OTUD7B: variants seen among roughly 807,000 people sequenced by gnomAD.
The protein encoded by OTUD7B is OTU deubiquitinase 7B, also known as OTU domain-containing protein 7B.
OTUD7B carries 34 observed loss-of-function variants against 82.2 expected under a neutral mutation model. The ratio of observed to expected loss-of-function variants is 0.41; its 90% CI spans 0.31 to 0.55. OTUD7B has a LOEUF of 0.55. OTUD7B is among the 20% of genes least tolerant of loss of function. The pLI, the probability that OTUD7B is intolerant of heterozygous loss-of-function variation, is 0.20. For missense variants in OTUD7B, 944 were observed against 1,062.1 expected (o/e 0.89, Z 1.55); for synonymous variants, 398 against 402.7 (o/e 0.99, Z 0.14).
At position 149,970,989 on chromosome 1, in the gene OTUD7B, A is replaced by G. The variant is rs1649883485; in HGVS notation, c.274+74T>C. ...ATGGAATCACCTCCAATGGATCACTAGACTTTATGACTCCATTTAACAATC... is the reference window on the plus strand; with the variant it reads ...ATGGAATCACCTCCAATGGATCACTGGACTTTATGACTCCATTTAACAATC... On this transcript the variant is annotated intron_variant, in intron 3 of 11. Coordinates refer to ENST00000581312, the MANE Select transcript of OTUD7B (RefSeq NM_020205.4). The G allele has an allele frequency of 3.8e-6, 5 of 1,325,372 alleles. No homozygotes were observed. In the East Asian group the frequency reaches 9.6e-5, roughly 25 times the overall value. 82.1% of individuals were successfully genotyped at this position (1,325,372 alleles called of 1,614,324 possible).
chr1:150,035,351 G>T, the OTUD7B span, among the ~76,000 whole-genome samples: 1 of 152,168 alleles, frequency 6.6e-6, no homozygotes. Context: ...CATAACAGCA[G>T]GGGAGAAAAA....
chr1:149,998,368 T>C (rs1479937390), intron 1 of OTUD7B, among the ~76,000 whole-genome samples: 3 of 152,216 alleles, frequency 2.0e-5, no homozygotes, highest in Admixed American at 6.5e-5. Context: ...ACCAAATTCC[T>C]TTGGCTGAGA....
chr1:150,051,137 G>A, the OTUD7B span, among the ~76,000 whole-genome samples: 3 of 148,760 alleles, frequency 2.0e-5, no homozygotes, highest in African/African-American at 7.4e-5. Context: ...GCTGAGGCAG[G>A]AGAATCGCTT....
intron 1 of OTUD7B, among the ~76,000 whole-genome samples, chr1:149,979,646 C>CTCAAATTCAAAATG (rs368390328): frequency 6.6e-6 from 1 of 151,960 alleles, no homozygotes; most frequent in African/African-American, 2.4e-5. Context: ...TCTAAGATAC[C>CTCAAATTCAAAATG]TCAAATTCAA....
chr1:149,977,602 C>T, intron 1 of OTUD7B, 26 bp from the exon 2 acceptor site: 3 of 871,900 alleles, frequency 3.4e-6, no homozygotes, highest in South Asian at 2.7e-5. Context: ...ATACATAAGG[C>T]TCAAATTACA....
the OTUD7B span, among the ~76,000 whole-genome samples, chr1:150,050,290 A>C: frequency 1.2e-4 from 19 of 152,338 alleles, no homozygotes; most frequent in Admixed American, 1.2e-3. Context: ...AGTAAAAATA[A>C]ATAAAAGAAA....
At chr1:149,952,304 G>GT (rs587717275) in intron 7 of OTUD7B, among the ~76,000 whole-genome samples, 2,670 of 151,064 alleles carry the variant, frequency 0.018, 64 homozygotes, top group African/African-American at 0.059. Context: ...GTGGTGTTTG[G>GT]TTTTTTGTCC....
At chr1:149,988,963 T>A (rs1363002065) in intron 1 of OTUD7B, among the ~76,000 whole-genome samples, 1 of 152,230 alleles carries the variant, frequency 6.6e-6, no homozygotes, top group East Asian at 1.9e-4. Context: ...CTCAAACATT[T>A]ATTCAGTAGC....
the OTUD7B span, among the ~76,000 whole-genome samples, chr1:150,033,343 C>G: frequency 1.3e-5 from 2 of 152,140 alleles, no homozygotes; most frequent in Admixed American, 1.3e-4. Flanking sequence ...TTAAATATGG[C>G]CTTTTGAGGA....
At chr1:149,950,741 T>C (rs1648128211) in intron 7 of OTUD7B, among the ~76,000 whole-genome samples, 4 of 151,836 alleles carry the variant, frequency 2.6e-5, no homozygotes. Flanking sequence ...ATCTCTCACC[T>C]TCCAGTAGTC....
chr1:149,979,706 T>C (rs1650581800), intron 1 of OTUD7B, among the ~76,000 whole-genome samples: 1 of 152,142 alleles, frequency 6.6e-6, no homozygotes. Flanking sequence ...AAATTCAAAA[T>C]GTCAAGTCCC....
At chr1:149,968,584 G>C (rs1035898956) in intron 3 of OTUD7B, among the ~76,000 whole-genome samples, 1 of 152,106 alleles carries the variant, frequency 6.6e-6, no homozygotes, top group Non-Finnish European at 1.5e-5. Flanking sequence ...TGATCCAAAG[G>C]GGGCAAAATT....
intron 7 of OTUD7B, among the ~76,000 whole-genome samples, chr1:149,957,700 G>A (rs1019935636): frequency 7.2e-5 from 11 of 152,286 alleles, no homozygotes; most frequent in Admixed American, 2.0e-4. Flanking sequence ...CGAGCTTCCC[G>A]GCCGCTTTGT....
intron 1 of OTUD7B, among the ~76,000 whole-genome samples, chr1:149,994,584 C>CAA (rs796210721): frequency 9.7e-5 from 4 of 41,080 alleles, no homozygotes; most frequent in African/African-American, 2.4e-4. Context: ...GACTCCATCT[C>CAA]AAAAAAAAAA....
At chr1:150,047,524 A>G in the OTUD7B span, among the ~76,000 whole-genome samples, 1 of 152,132 alleles carries the variant, frequency 6.6e-6, no homozygotes, top group Non-Finnish European at 1.5e-5. Context: ...CCATATTTCC[A>G]TGGCTAGCAC....
rs782537983 is a variant in OTUD7B, at chr1:149,944,355, A to G, written c.2034T>C (p.Gly678=). The G allele has an allele frequency of 1.9e-6, 3 of 1,613,148 alleles. No individual in the cohort carries two copies. In the Admixed American group the frequency reaches 5.0e-5, roughly 27 times the overall value. ...CCATTGCCCTGGACTCTGCTGGGGG[A>G]CCGGTCGGCTGCTCTTCCCTAGCAT... ...EPDAREEQPT[G]PPAESRAMAF... is the part of the protein sequence containing the mutation. The change falls in exon 12 of 12, where the codon GGT becomes GGC. Residue 678 remains glycine, a synonymous_variant. Coordinates refer to ENST00000581312, the MANE Select transcript of OTUD7B (RefSeq NM_020205.4).
chr1:150,032,817 G>T, the OTUD7B span, among the ~76,000 whole-genome samples: 1 of 152,086 alleles, frequency 6.6e-6, no homozygotes, highest in African/African-American at 2.4e-5. Flanking sequence ...GAATTTAATC[G>T]TGTCTTGGCC....
rs587751989 is a variant in OTUD7B at position 149,950,589 on chromosome 1, C to T, written c.846-368G>A. The stretch of plus-strand genomic sequence containing the variant: ...TTCATCCTACTTATTTTATATACTA[C>T]AGCCACCCACACATCACACTCATGT... On this transcript the variant is annotated intron_variant, in intron 7 of 11. Coordinates refer to ENST00000581312, the MANE Select transcript of OTUD7B (RefSeq NM_020205.4). 4.6e-5 allele frequency among the ~76,000 whole-genome samples: 7 copies of T among 152,254 alleles called. No homozygotes were observed. In the East Asian group the frequency reaches 1.3e-3, roughly 29 times the overall value.
chr1:150,031,134 G>T, the OTUD7B span, among the ~76,000 whole-genome samples: 2,980 of 152,008 alleles, frequency 0.02, 80 homozygotes, highest in African/African-American at 0.067. Flanking sequence ...TCTTGATTGT[G>T]CCCAGCAAGA....
Sources: allele counts gnomAD v4.1 joint callset (sites outside exome capture counted in the v4.1 genomes callset), GRCh38; gene constraint gnomAD v4.1.1; transcripts MANE v1.5; gene names NCBI Gene and HGNC (gene_info 2026-07-23, HGNC 2026-07-21).